The following ADGRL3 variants were observed in gnomAD, a reference collection of about 807,000 sequenced individuals.
ADGRL3 encodes the protein calcium-independent alpha-latrotoxin receptor 3.
Under a neutral mutation model 153.5 loss-of-function variants are expected in ADGRL3, and 62 were observed. The observed-to-expected ratio is 0.40, with a 90% CI of 0.33 to 0.50. The LOEUF (loss-of-function observed/expected upper bound fraction) is 0.50, where lower values mean the gene tolerates loss of function less well. Among genes scored for constraint, ADGRL3 ranks in the 20% least tolerant of loss-of-function variants. The pLI is 0.47. For synonymous variants in ADGRL3, 710 were observed against 672.5 expected, an observed-to-expected ratio of 1.06 and a Z score of -0.86; for missense variants, 1,641 against 1,859.4, an observed-to-expected ratio of 0.88 and a Z score of 2.16.
intron 1 of ADGRL3, among the ~76,000 whole-genome samples, chr4:61,277,664 T>C (rs1377462195): frequency 6.6e-6 from 1 of 152,102 alleles, no homozygotes; most frequent in African/African-American, 2.4e-5. Flanking sequence ...TTGCCAGCTG[T>C]GTTGTTCAGA....
chr4:61,812,522 C>G (rs1201277073), intron 8 of ADGRL3, among the ~76,000 whole-genome samples: 5 of 152,142 alleles, frequency 3.3e-5, no homozygotes, highest in African/African-American at 1.2e-4. Flanking sequence ...CTGTAAATTG[C>G]TATAGTAAAT....
At chr4:61,656,362 T>TGGG (rs76225203) in intron 5 of ADGRL3, among the ~76,000 whole-genome samples, 5 of 151,182 alleles carry the variant, frequency 3.3e-5, no homozygotes, top group Middle Eastern at 3.4e-3. Flanking sequence ...CTTTTTTTTG[T>TGGG]GGGGGGGGTG....
At chr4:61,826,651 A>G (rs1237595719) in intron 9 of ADGRL3, among the ~76,000 whole-genome samples, 1 of 152,136 alleles carries the variant, frequency 6.6e-6, no homozygotes, top group Non-Finnish European at 1.5e-5. Flanking sequence ...TTTTACATAG[A>G]GTACTACATA....
chr4:61,932,928 C>T (rs943468302), intron 13 of ADGRL3, among the ~76,000 whole-genome samples: 1 of 151,858 alleles, frequency 6.6e-6, no homozygotes, highest in African/African-American at 2.4e-5. Context: ...AGAACATTCT[C>T]GGAGTTGACC....
At chr4:61,516,965 G>C (rs926939736) in intron 3 of ADGRL3, among the ~76,000 whole-genome samples, 2 of 151,884 alleles carry the variant, frequency 1.3e-5, no homozygotes, top group African/African-American at 4.8e-5. Context: ...ATTTACATTA[G>C]AGTGCTGTGA....
At chr4:61,233,271 G>A (rs1265793556) in intron 1 of ADGRL3, among the ~76,000 whole-genome samples, 1 of 152,094 alleles carries the variant, frequency 6.6e-6, no homozygotes, top group Non-Finnish European at 1.5e-5. Flanking sequence ...AATGATTGGA[G>A]TAGGTAGGTA....
intron 9 of ADGRL3, among the ~76,000 whole-genome samples, chr4:61,871,002 G>T (rs1012392794): frequency 6.6e-6 from 1 of 152,184 alleles, no homozygotes; most frequent in Non-Finnish European, 1.5e-5. Flanking sequence ...ACGGGGGCCG[G>T]GCACGGTGGC....
chr4:61,909,759 T>TTATG lies in ADGRL3; in HGVS notation c.2073+16_2073+19dup, dbSNP rs777507295. The TTATG allele has an allele frequency of 1.4e-4, 149 of 1,073,322 alleles. 11 individuals carry two copies. Among genetic ancestry groups the TTATG allele is most frequent in the Admixed American group, 9.4e-4 (30 of 31,818 alleles). 66.5% of individuals were successfully genotyped at this position (1,073,322 alleles called of 1,614,324 possible). On this transcript the variant is annotated intron_variant, in intron 12 of 26. Coordinates refer to ENST00000683033, the MANE Select transcript of ADGRL3 (RefSeq NM_001387552.1). ...AGTTTGAACAAGGTAAGGACCCTAA[T>TTATG]TATGTGTGTGTGTGTGTGTGTGTGT...
chr4:61,316,705 G>A (rs563792663), intron 1 of ADGRL3, among the ~76,000 whole-genome samples: 1 of 152,216 alleles, frequency 6.6e-6, no homozygotes, highest in East Asian at 1.9e-4. Flanking sequence ...TCAGATTGTA[G>A]CTGTCAACTG....
At chr4:61,609,288 C>T (rs764628762) in intron 5 of ADGRL3, among the ~76,000 whole-genome samples, 2 of 152,018 alleles carry the variant, frequency 1.3e-5, no homozygotes, top group Non-Finnish European at 2.9e-5. Flanking sequence ...TATTCCTCAC[C>T]TCCTAAAAAA....
chr4:61,472,999 A>C (rs1036568192), intron 2 of ADGRL3, among the ~76,000 whole-genome samples: 4 of 152,170 alleles, frequency 2.6e-5, no homozygotes, highest in African/African-American at 9.6e-5. Context: ...TGCTACAAAT[A>C]AATTAAGTAA....
At chr4:61,448,902 G>GGAGT in intron 2 of ADGRL3, among the ~76,000 whole-genome samples, 1 of 144,488 alleles carries the variant, frequency 6.9e-6, no homozygotes, top group African/African-American at 2.6e-5. Flanking sequence ...AGGGAGGGAG[G>GGAGT]GAGGGGAACT....
At chr4:61,262,317 T>A (rs2092581321) in intron 1 of ADGRL3, among the ~76,000 whole-genome samples, 1 of 152,122 alleles carries the variant, frequency 6.6e-6, no homozygotes, top group Admixed American at 6.6e-5. Context: ...TAGTAACCCT[T>A]TCAAAATTAG....
chr4:61,711,919 A>G (rs1022180608), intron 6 of ADGRL3, among the ~76,000 whole-genome samples: 5 of 152,116 alleles, frequency 3.3e-5, no homozygotes, highest in Admixed American at 1.3e-4. Context: ...GCCAAACTTA[A>G]TTTAACAGAA....
At chr4:62,021,131 CT>C (rs1424257777) in intron 21 of ADGRL3, among the ~76,000 whole-genome samples, 3 of 151,762 alleles carry the variant, frequency 2.0e-5, no homozygotes, top group South Asian at 2.1e-4. Flanking sequence ...CCTACAACCC[CT>C]TTTTTGAGGT....
At position 62,070,170 on chromosome 4, in the gene ADGRL3, C is replaced by T. The variant is rs1351875347; in HGVS notation, c.3894C>T (p.Asn1298=). The stretch of plus-strand genomic sequence containing the variant: ...TGGATACTCTACCACTGAATGGTAA[C>T]CATGGCAATAGTTACAGCATTGCCA... ...SVMDTLPLNG[N]HGNSYSIASG... is the part of the protein sequence containing the mutation. The change falls in exon 27 of 27, where the codon AAC becomes AAT. Residue 1298 remains asparagine (N), a synonymous_variant. Coordinates refer to ENST00000683033, the MANE Select transcript of ADGRL3 (RefSeq NM_001387552.1). 6.8e-6 allele frequency: 11 copies of T among 1,613,880 alleles called. No individual in the cohort carries two copies. Among genetic ancestry groups the T allele is most frequent in the African/African-American group, 1.3e-5 (1 of 74,874 alleles).
intron 9 of ADGRL3, among the ~76,000 whole-genome samples, chr4:61,841,764 C>T (rs1051485382): frequency 1.4e-4 from 21 of 152,034 alleles, no homozygotes; most frequent in Admixed American, 1.2e-3. Flanking sequence ...AATACTAAAT[C>T]GTCTGTACTT....
chr4:61,240,593 G>C (rs1233730669), intron 1 of ADGRL3, among the ~76,000 whole-genome samples: 1 of 152,042 alleles, frequency 6.6e-6, no homozygotes, highest in African/African-American at 2.4e-5. Flanking sequence ...ATAAAATTTA[G>C]TTGAATAGGT....
chr4:61,698,804 C>A (rs1235849424), intron 6 of ADGRL3, among the ~76,000 whole-genome samples: 1 of 152,096 alleles, frequency 6.6e-6, no homozygotes. Context: ...ACATAGGCTT[C>A]CCGAAAATCC....
Sources: allele counts gnomAD v4.1 joint callset (sites outside exome capture counted in the v4.1 genomes callset), GRCh38; gene constraint gnomAD v4.1.1; transcripts MANE v1.5; gene names NCBI Gene and HGNC (gene_info 2026-07-23, HGNC 2026-07-21).